Variants in COL6A3 observed in about 807,000 individuals in gnomAD.
COL6A3 encodes collagen alpha-3(VI) chain.
In COL6A3, 137 loss-of-function variants were observed where a neutral mutation model predicts 274.1. The ratio of observed to expected loss-of-function variants is 0.50; its 90% confidence interval spans 0.44 to 0.58. The LOEUF is 0.58. Ranked by LOEUF, COL6A3 falls within the 20% of genes least tolerant of loss-of-function variation. The pLI, the probability that COL6A3 is intolerant of heterozygous loss-of-function variation, is 0.00. For synonymous variants in COL6A3, 1,650 were observed against 1,650.6 expected (o/e 1.00, Z 0.01); for missense variants, 3,950 against 4,124.9 (o/e 0.96, Z 1.16).
In COL6A3 at chr2:237,324,712, G is replaced by C; in HGVS notation, c.*62C>G. Reference sequence around the variant, plus strand: ...AATCTACACCCGGAGCTTCTACAGAGACAAGTTGGCGATGGCTGACTCCTT... The same window carrying C: ...AATCTACACCCGGAGCTTCTACAGACACAAGTTGGCGATGGCTGACTCCTT... On this transcript the variant is annotated 3_prime_UTR_variant, in exon 44 of 44. Transcript: ENST00000295550. 6.5e-7 allele frequency: 1 copy of C among 1,527,456 alleles called. No individual in the cohort carries two copies. The highest frequency in any genetic ancestry group is 9.1e-7 in the Non-Finnish European group (1 of 1,101,786). 94.6% of individuals were successfully genotyped at this position (1,527,456 alleles called of 1,614,324 possible).
In COL6A3 at chr2:237,351,117, T is replaced by A; in HGVS notation, c.6816+13A>T. On this transcript the variant is annotated intron_variant, in intron 27 of 43. Transcript: ENST00000295550. The stretch of plus-strand genomic sequence containing the variant: ...CCTGTCCTCAGGAAAGCTCTACCTT[T>A]CTAAAGACAAACCTTTCTTCCCAGT... 2.5e-6 allele frequency: 4 copies of A among 1,614,080 alleles called. No homozygotes were observed. Among genetic ancestry groups the A allele is most frequent in the Non-Finnish European group, 3.4e-6 (4 of 1,179,890 alleles).
Position 237,361,226 on chromosome 2 carries a change from T to G in COL6A3, c.6157-52A>C. 6.5e-7 allele frequency: 1 copy of G among 1,550,352 alleles called. No homozygotes were observed. The highest frequency in any genetic ancestry group is 2.2e-5 in the East Asian group (1 of 44,552). On this transcript the variant is annotated intron_variant, in intron 15 of 43. Coordinates refer to ENST00000295550, the MANE Select transcript of COL6A3 (RefSeq NM_004369.4). The surrounding 1 kb of genome is among the most constrained non-coding windows in gnomAD (Gnocchi z 5.1). ...TTTAATCCCGTGGTCTTCTTTGCTC[T>G]ACAGTAAGAATCCCTGTGGTCCCCC... is the stretch of plus-strand genomic sequence containing the variant.
In COL6A3 at chr2:237,372,134, C is replaced by T. The variant is rs143879892; in HGVS notation, c.3883G>A (p.Val1295Met). Residue 1295 changes from valine to methionine, a missense_variant, in exon 9 of 44, where the codon GTG (valine) becomes ATG (methionine). By Grantham distance (21) the Val-to-Met change is conservative. Around this residue, in one of 5 missense-constraint regions of COL6A3, gnomAD observed 1,934 missense variants for 1,984.3 expected, o/e 0.97. Coordinates refer to ENST00000295550, the MANE Select transcript of COL6A3 (RefSeq NM_004369.4). Reference sequence around the variant, plus strand: ...CTCAGCCGCTGCACCGCGTTCTGCACTTCATCCTTGCTGGAATGGGCGTTC... The same window carrying T: ...CTCAGCCGCTGCACCGCGTTCTGCATTTCATCCTTGCTGGAATGGGCGTTC... ...LLNAHSSKDE[V>M]QNAVQRLRPK... The T allele has an allele frequency of 6.2e-7, 1 of 1,614,158 alleles. No individual in the cohort carries two copies. Among genetic ancestry groups the T allele is most frequent in the Non-Finnish European group, 8.5e-7 (1 of 1,180,046 alleles).
chr2:237,344,395 C>A lies in COL6A3; in HGVS notation c.7623G>T (p.Leu2541Phe). The A allele has an allele frequency of 6.2e-7, 1 of 1,614,190 alleles. No homozygotes were observed. The highest frequency in any genetic ancestry group is 8.5e-7 in the Non-Finnish European group (1 of 1,180,002). ...GCCGGTCTTCCTGCCTTGTAAGGAACAAGGGGGTGATCCCCGCATCTGAGA... is the reference window on the plus strand; with the variant it reads ...GCCGGTCTTCCTGCCTTGTAAGGAAAAAGGGGGTGATCCCCGCATCTGAGA... ...LKLSDAGITP[L>F]FLTRQEDRQL... Residue 2541 changes from leucine (L) to phenylalanine (F), a missense_variant, in exon 36 of 44, where the codon TTG becomes TTT. This residue lies in a region of COL6A3 where 1,284 missense variants were observed against 1,349.7 expected (regional missense o/e 0.95). Coordinates refer to ENST00000295550, the MANE Select transcript of COL6A3 (RefSeq NM_004369.4). The surrounding 1 kb of genome is among the most constrained non-coding windows in gnomAD (Gnocchi z 4.8).
At chr2:237,410,479 C>T (rs565048103) in intron 1 of COL6A3, among the ~76,000 whole-genome samples, 9 of 151,758 alleles carry the variant, frequency 5.9e-5, no homozygotes, top group Non-Finnish European at 1.0e-4. Context: ...TTTTTTAAAA[C>T]GCTTTTGTAG....
In COL6A3 at chr2:237,351,493, G is replaced by T. The variant is rs73998881; in HGVS notation, c.6754-301C>A. Among the ~76,000 whole-genome samples the T allele has an allele frequency of 0.051, 7,747 of 152,298 alleles. 447 individuals are homozygous for T. Among genetic ancestry groups the T allele is most frequent in the African/African-American group, 0.14 (5,955 of 41,532 alleles). On this transcript the variant is annotated intron_variant, in intron 26 of 43. Coordinates refer to ENST00000295550, the MANE Select transcript of COL6A3 (RefSeq NM_004369.4). ...TCCTAGGTTCCTGACAGGACGGCAA[G>T]CTCCCAGATTTTATGTGACTTTATT...
At chr2:237,369,974 C>T (rs2077646792) in intron 9 of COL6A3, among the ~76,000 whole-genome samples, 1 of 151,596 alleles carries the variant, frequency 6.6e-6, no homozygotes, top group African/African-American at 2.4e-5. Flanking sequence ...GTAGCTGGAA[C>T]TACAGACATG....
At position 237,368,859 on chromosome 2, in the gene COL6A3, C is replaced by T. The variant is rs115765346; in HGVS notation, c.4604G>A (p.Arg1535His). 1.8e-5 allele frequency: 29 copies of T among 1,614,214 alleles called. No individual in the cohort carries two copies. In the East Asian group the frequency reaches 2.0e-4, roughly 11 times the overall value. Residue 1535 changes from arginine to histidine, a missense_variant, in exon 10 of 44, where the codon CGC becomes CAC. This residue lies in a region of COL6A3 where 1,934 missense variants were observed against 1,984.3 expected (regional missense o/e 0.97). Coordinates refer to ENST00000295550, the MANE Select transcript of COL6A3 (RefSeq NM_004369.4). This position sits in a 1 kb window ranked among gnomAD's most constrained non-coding sequence, Gnocchi z 4.4. ...GTGTTGGGGCACCCCGTCTTCTATG[C>T]GACTCCCCGCAGACTTAACAAAGAG... Reference protein sequence around the residue: ...RNLFVKSAGSRIEDGVPQHLV... With the variant: ...RNLFVKSAGSHIEDGVPQHLV...
chr2:237,388,032 CG>C lies in COL6A3; in HGVS notation c.861del (p.Ser287ArgfsTer23). The C allele has an allele frequency of 3.1e-6, 5 of 1,614,170 alleles. No individual in the cohort carries two copies. The South Asian group carries it at 5.5e-5, about 18-fold the overall frequency. On this transcript the variant is annotated frameshift_variant, in exon 4 of 44. Transcript: ENST00000295550. LOFTEE classifies it high-confidence loss of function. Reference sequence around the variant, plus strand: ...AAGGAGAACATGGTTCTGGGCTCATCGCTAAACTGGACCACCCCCACTCGGA... The same window carrying C: ...AAGGAGAACATGGTTCTGGGCTCATCCTAAACTGGACCACCCCCACTCGGA... ...QQIRVGVVQF[S>X]DEPRTMFSLD...
chr2:237,396,151 T>C (rs1485943459), intron 2 of COL6A3, among the ~76,000 whole-genome samples: 1 of 152,228 alleles, frequency 6.6e-6, no homozygotes, highest in African/African-American at 2.4e-5. Flanking sequence ...CCTTTCCAGC[T>C]TGCAATGCAT....
chr2:237,394,745 G>C lies in COL6A3; in HGVS notation c.551C>G (p.Ala184Gly), dbSNP rs774313593. The change falls in exon 3 of 44, where the codon GCG (alanine) becomes GGG (glycine). Residue 184 changes from alanine to glycine, a missense_variant. Around this residue, in one of 5 missense-constraint regions of COL6A3, gnomAD observed 1,934 missense variants for 1,984.3 expected, o/e 0.97. Coordinates refer to ENST00000295550, the MANE Select transcript of COL6A3 (RefSeq NM_004369.4). ...AIGVEDADEG[A>G]LKEIASEPLN... is the part of the protein sequence containing the mutation. ...CGGTTCACTTGCTATTTCTTTTAAC[G>C]CTCCTTCATCTGCATCCTCAACTCC... is the stretch of plus-strand genomic sequence containing the variant. 1.2e-6 allele frequency: 2 copies of C among 1,614,102 alleles called. No homozygotes were observed. Among genetic ancestry groups the C allele is most frequent in the Middle Eastern group, 3.3e-4 (2 of 6,062 alleles).
At chr2:237,372,778 G>T (rs1260629648) in intron 8 of COL6A3, among the ~76,000 whole-genome samples, 1 of 152,220 alleles carries the variant, frequency 6.6e-6, no homozygotes, top group African/African-American at 2.4e-5. Context: ...TTAGAGTATA[G>T]ATAAGTCTTT....
intron 8 of COL6A3, among the ~76,000 whole-genome samples, chr2:237,372,638 G>T (rs2077723384): frequency 6.6e-6 from 1 of 152,238 alleles, no homozygotes; most frequent in South Asian, 2.1e-4. Flanking sequence ...GGACCCGAGG[G>T]TCAGCCACTG....
Position 237,365,987 on chromosome 2 carries a change from T to C in COL6A3, c.5549A>G (p.Asn1850Ser), listed in dbSNP as rs1217523276. 1 of 1,613,978 alleles carries C rather than the reference T, an allele frequency of 6.2e-7. No homozygotes were observed. Among genetic ancestry groups the C allele is most frequent in the Admixed American group, 1.7e-5 (1 of 60,020 alleles). Residue 1850 changes from asparagine (N) to serine (S), a missense_variant, in exon 12 of 44, where the codon AAT (asparagine) becomes AGT (serine). By Grantham distance (46) the Asn-to-Ser change is conservative. Around this residue, in one of 5 missense-constraint regions of COL6A3, gnomAD observed 632 missense variants for 623.4 expected, o/e 1.01. Transcript: ENST00000295550. Reference protein sequence around the residue: ...ILGFDGSRDQNVFVAQKGFES... With the variant: ...ILGFDGSRDQSVFVAQKGFES... ...GAAGCCCTTCTGGGCCACAAAAACA[T>C]TCTGGTCTCTAGAACCATCAAACCC...
intron 1 of COL6A3, among the ~76,000 whole-genome samples, chr2:237,397,342 G>A (rs995226872): frequency 8.7e-5 from 13 of 149,604 alleles, no homozygotes; most frequent in Non-Finnish European, 3.0e-5. Context: ...AGGGAAGGAG[G>A]GAAGGAAGGA....
Position 237,374,931 on chromosome 2 carries a change from C to G in COL6A3, c.3160G>C (p.Val1054Leu). ...TGGCCCACATCCAGGCTTTCCACCA[C>G]TCTCTGGACAAACTCTTTCAACAGA... ...FPLLKEFVQR[V>L]VESLDVGQDR... Residue 1054 changes from valine to leucine, a missense_variant, in exon 8 of 44, where the codon GTG becomes CTG. Physicochemically the swap from Val to Leu is conservative, Grantham distance 32. Coordinates refer to ENST00000295550, the MANE Select transcript of COL6A3 (RefSeq NM_004369.4). This position sits in a 1 kb window ranked among gnomAD's most constrained non-coding sequence, Gnocchi z 4.8. 2.5e-6 allele frequency: 4 copies of G among 1,614,028 alleles called. No individual in the cohort carries two copies. The highest frequency in any genetic ancestry group is 2.2e-5 in the East Asian group (1 of 44,846).
chr2:237,379,821 A>T (rs1395766144), intron 5 of COL6A3, among the ~76,000 whole-genome samples: 2 of 152,264 alleles, frequency 1.3e-5, no homozygotes, highest in Non-Finnish European at 2.9e-5. Context: ...AGGAAGTCAC[A>T]GTCTTGCTAG....
chr2:237,372,396 T>C lies in COL6A3; in HGVS notation c.3680-59A>G, dbSNP rs943602666. 3 of 1,599,456 alleles carry C rather than the reference T, an allele frequency of 1.9e-6. No individual in the cohort carries two copies. The Admixed American group carries it at 5.0e-5, about 27-fold the overall frequency. On this transcript the variant is annotated intron_variant, in intron 8 of 43. Coordinates refer to ENST00000295550, the MANE Select transcript of COL6A3 (RefSeq NM_004369.4). ...ATCGTCACCAAATTCTTAGCGTTCA[T>C]GAGCCACCGCCCAGTTTGTCATGGA...
chr2:237,402,687 A>G (rs1374048272), intron 1 of COL6A3, among the ~76,000 whole-genome samples: 1 of 152,216 alleles, frequency 6.6e-6, no homozygotes. Flanking sequence ...GGTTTGGCAA[A>G]GAAGATCAGA....
Sources: gnomAD v4.1 joint callset for allele counts (sites outside exome capture counted in the v4.1 genomes callset) on GRCh38, gnomAD v4.1.1 for gene constraint, gnomAD v4.1.1 regional missense constraint, Gnocchi (gnomAD v3.1) non-coding constraint, MANE v1.5 for transcripts, NCBI Gene and HGNC (gene_info 2026-07-23, HGNC 2026-07-21) for gene names.